Variants in MC2R observed in about 807,000 individuals in gnomAD.
The protein encoded by MC2R is melanocortin 2 receptor.
In MC2R, 9 loss-of-function variants were observed where a neutral mutation model predicts 9.8. The observed-to-expected ratio is 0.92, with a 90% CI of 0.55 to 1.60. The LOEUF (loss-of-function observed/expected upper bound fraction) is 1.60, where lower values mean the gene tolerates loss of function less well. Among genes scored for constraint, MC2R ranks in the 40% most tolerant of loss-of-function variants. The pLI is 0.00. For missense variants in MC2R, 370 were observed against 389.0 expected (o/e 0.95, Z 0.41); for synonymous variants, 185 against 154.7 (o/e 1.20, Z -1.45).
rs1481503128 is a variant in MC2R at position 13,884,590 on chromosome 18, A to T, written c.*35T>A. 6.2e-7 allele frequency: 1 copy of T among 1,605,842 alleles called. No homozygotes were observed. Among genetic ancestry groups the T allele is most frequent in the Non-Finnish European group, 8.5e-7 (1 of 1,177,634 alleles). On this transcript the variant is annotated 3_prime_UTR_variant, in exon 2 of 2. Coordinates refer to ENST00000327606, the MANE Select transcript of MC2R (RefSeq NM_000529.2). Reference sequence around the variant, plus strand: ...CACTATTCTGGCACTTGGCAACGTTATTCCCATGGATTCTAAAACCAGGGA... The same window carrying T: ...CACTATTCTGGCACTTGGCAACGTTTTTCCCATGGATTCTAAAACCAGGGA...
At chr18:13,895,228 A>T (rs942357625) in intron 1 of MC2R, among the ~76,000 whole-genome samples, 1 of 152,262 alleles carries the variant, frequency 6.6e-6, no homozygotes, top group African/African-American at 2.4e-5. Context: ...AAACAGAGTT[A>T]GTGGTTTAAT....
At chr18:13,889,494 G>A (rs906657597) in intron 1 of MC2R, among the ~76,000 whole-genome samples, 1 of 152,198 alleles carries the variant, frequency 6.6e-6, no homozygotes, top group African/African-American at 2.4e-5. Context: ...GCAAGGAAAA[G>A]CAAAACCGAC....
intron 1 of MC2R, among the ~76,000 whole-genome samples, chr18:13,908,103 A>T (rs2045423790): frequency 2.0e-5 from 3 of 152,256 alleles, no homozygotes; most frequent in Non-Finnish European, 4.4e-5. Flanking sequence ...AGCATTATTC[A>T]CGAAAGCCAA....
intron 1 of MC2R, among the ~76,000 whole-genome samples, chr18:13,895,006 T>C (rs1240892946): frequency 1.3e-5 from 2 of 151,768 alleles, no homozygotes; most frequent in Non-Finnish European, 2.9e-5. Flanking sequence ...TGTAGATGTC[T>C]TGTCTCCTGA....
chr18:13,908,354 C>A (rs2045425659), intron 1 of MC2R, among the ~76,000 whole-genome samples: 1 of 151,662 alleles, frequency 6.6e-6, no homozygotes, highest in African/African-American at 2.4e-5. Flanking sequence ...GTGGTGGTTA[C>A]AAGAGCCCAG....
intron 1 of MC2R, among the ~76,000 whole-genome samples, chr18:13,906,575 A>G (rs184154511): frequency 2.0e-5 from 3 of 152,334 alleles, no homozygotes; most frequent in African/African-American, 7.2e-5. Context: ...AGAAAAAAAA[A>G]GAAAAGAAGA....
chr18:13,886,513 G>A (rs1193492434), intron 1 of MC2R, among the ~76,000 whole-genome samples: 1 of 152,184 alleles, frequency 6.6e-6, no homozygotes, highest in Non-Finnish European at 1.5e-5. Context: ...GGCTGGGCTC[G>A]GTGGACTCGG....
rs1439246073 is a variant in MC2R at position 13,883,687 on chromosome 18, T to C, written c.*938A>G. On this transcript the variant is annotated 3_prime_UTR_variant, in exon 2 of 2. Coordinates refer to ENST00000327606, the MANE Select transcript of MC2R (RefSeq NM_000529.2). Reference sequence around the variant, plus strand: ...GTCTCTGTCTCTCTCTCTTTATTTCTTAAAATACATGTTGGGGCTCTTTTC... The same window carrying C: ...GTCTCTGTCTCTCTCTCTTTATTTCCTAAAATACATGTTGGGGCTCTTTTC... 1 of 151,006 alleles carries C rather than the reference T, an allele frequency of 6.6e-6. No homozygotes were observed. Among genetic ancestry groups the C allele is most frequent in the Non-Finnish European group, 1.5e-5 (1 of 67,936 alleles). The allele number at this position is 151,006 out of a possible 1,614,324, so 9.4% of individuals were successfully genotyped here. A position where few individuals can be genotyped will look rare whatever the true frequency, so the allele number is the denominator to read the frequency against.
At chr18:13,894,229 G>T (rs1043812463) in intron 1 of MC2R, among the ~76,000 whole-genome samples, 5 of 152,100 alleles carry the variant, frequency 3.3e-5, no homozygotes, top group African/African-American at 1.2e-4. Context: ...AGTGACAGGT[G>T]ACCTTTTGTT....
intron 1 of MC2R, among the ~76,000 whole-genome samples, chr18:13,913,050 C>T (rs1407601877): frequency 2.6e-5 from 4 of 152,132 alleles, no homozygotes; most frequent in Admixed American, 6.5e-5. Flanking sequence ...AGTATAATTT[C>T]TTTTTTAATA....
At position 13,895,749 on chromosome 18, in the gene MC2R, A is replaced by G. The variant is rs976699425; in HGVS notation, c.-128-10103T>C. 4.6e-5 allele frequency among the ~76,000 whole-genome samples: 7 copies of G among 152,162 alleles called. 1 individual carries two copies. Among genetic ancestry groups the G allele is most frequent in the Admixed American group, 2.6e-4 (4 of 15,278 alleles). ...TCCAGGGGTGGTTAGCACCCTGGGA[A>G]GGCTGCATGTGGGACTGAAAGTGCA... On this transcript the variant is annotated intron_variant, in intron 1 of 1. Transcript: ENST00000327606.
At chr18:13,914,635 C>T (rs776303281) in intron 1 of MC2R, among the ~76,000 whole-genome samples, 25 of 152,096 alleles carry the variant, frequency 1.6e-4, no homozygotes, top group Non-Finnish European at 3.2e-4. Flanking sequence ...CAAGTGTGCA[C>T]GTGTATGTGT....
rs1383117769 is a variant in MC2R, at chr18:13,885,654, G to A, written c.-128-8C>T. The A allele has an allele frequency of 2.1e-6, 2 of 964,510 alleles. No homozygotes were observed. Among genetic ancestry groups the A allele is most frequent in the Non-Finnish European group, 3.2e-6 (2 of 632,024 alleles). 59.7% of individuals were successfully genotyped at this position (964,510 alleles called of 1,614,324 possible). ...TTAAAATCTCCCAATCACCTAAAAG[G>A]GAGTATACAGAAATATTAGTTGCAA... On this transcript the variant is annotated splice_region_variant and splice_polypyrimidine_tract_variant and intron_variant, in intron 1 of 1. Transcript: ENST00000327606.
rs986345002 is a variant in MC2R at position 13,883,375 on chromosome 18, T to G, written c.*1250A>C. The G allele has an allele frequency of 6.6e-6, 1 of 152,180 alleles. No individual in the cohort carries two copies. Among genetic ancestry groups the G allele is most frequent in the African/African-American group, 2.4e-5 (1 of 41,442 alleles). The allele number at this position is 152,180 out of a possible 1,614,324, so 9.4% of individuals were successfully genotyped here. On this transcript the variant is annotated 3_prime_UTR_variant, in exon 2 of 2. Coordinates refer to ENST00000327606, the MANE Select transcript of MC2R (RefSeq NM_000529.2). ...TATGTTTCTTTTATTCCTACTGGGGTTGCCACTCTTCCATTGCTGGCATCT... is the reference window on the plus strand; with the variant it reads ...TATGTTTCTTTTATTCCTACTGGGGGTGCCACTCTTCCATTGCTGGCATCT...
intron 1 of MC2R, among the ~76,000 whole-genome samples, chr18:13,905,103 C>G (rs1286054923): frequency 6.6e-6 from 1 of 152,046 alleles, no homozygotes; most frequent in East Asian, 1.9e-4. Context: ...AACAGGCAAC[C>G]TACAGAATAG....
chr18:13,885,511 TG>T lies in MC2R; in HGVS notation c.7del (p.His3ThrfsTer41). 3 of 1,614,192 alleles carry T rather than the reference TG, an allele frequency of 1.9e-6. No individual in the cohort carries two copies. The highest frequency in any genetic ancestry group is 2.5e-6 in the Non-Finnish European group (3 of 1,180,038). The part of the protein sequence containing the change: MK[H>X]IINSYENINN... ...GATGTTTTCATACGAGTTGATAATG[TG>T]CTTCATTTCTCCTGCTTGTGGTTAA... On this transcript the variant is annotated frameshift_variant, in exon 2 of 2. Coordinates refer to ENST00000327606, the MANE Select transcript of MC2R (RefSeq NM_000529.2). LOFTEE classifies it high-confidence loss of function.
chr18:13,911,371 T>C (rs16941292), intron 1 of MC2R, among the ~76,000 whole-genome samples: 8,335 of 152,322 alleles, frequency 0.055, 323 homozygotes, highest in South Asian at 0.11. Flanking sequence ...TTCTCATCTC[T>C]GAAATGGCTC....
chr18:13,898,272 G>T (rs1361245530), intron 1 of MC2R, among the ~76,000 whole-genome samples: 1 of 152,188 alleles, frequency 6.6e-6, no homozygotes, highest in Non-Finnish European at 1.5e-5. Flanking sequence ...GTTGGTTACA[G>T]GGTAAGGCTC....
intron 1 of MC2R, among the ~76,000 whole-genome samples, chr18:13,890,536 C>T (rs2045309835): frequency 6.6e-6 from 1 of 152,160 alleles, no homozygotes; most frequent in African/African-American, 2.4e-5. Flanking sequence ...TGGGGCTGAT[C>T]TGCACGTGTC....
Sources: allele counts gnomAD v4.1 joint callset (sites outside exome capture counted in the v4.1 genomes callset), GRCh38; gene constraint gnomAD v4.1.1; transcripts MANE v1.5; gene names NCBI Gene and HGNC (gene_info 2026-07-23, HGNC 2026-07-21).